RAB8B: variants seen among roughly 807,000 people sequenced by gnomAD.
RAB8B encodes the protein RAB8B, member RAS oncogene family.
In RAB8B, 11 loss-of-function variants were observed where a neutral mutation model predicts 32.0. That is an observed-to-expected ratio of 0.34 (90% CI 0.22 to 0.57). The LOEUF (loss-of-function observed/expected upper bound fraction) is 0.57, where lower values mean the gene tolerates loss of function less well. Ranked by LOEUF, RAB8B falls within the 20% of genes least tolerant of loss-of-function variation. The probability of loss-of-function intolerance (pLI) is 0.86; values close to 1 mark genes in which losing one functional copy is unlikely to be tolerated. For synonymous variants in RAB8B, 103 were observed against 89.6 expected, an observed-to-expected ratio of 1.15 and a Z score of -0.85; for missense variants, 190 against 258.5, an observed-to-expected ratio of 0.73 and a Z score of 1.82.
intron 2 of RAB8B, among the ~76,000 whole-genome samples, chr15:63,247,363 T>C (rs977559224): frequency 7.2e-5 from 11 of 152,228 alleles, no homozygotes; most frequent in African/African-American, 2.7e-4. Flanking sequence ...TGTTGCAATA[T>C]GCAAGGCAAA....
intron 2 of RAB8B, among the ~76,000 whole-genome samples, chr15:63,246,294 G>T (rs2038071728): frequency 6.6e-6 from 1 of 152,098 alleles, no homozygotes; most frequent in African/African-American, 2.4e-5. Flanking sequence ...TTTTGGATTT[G>T]GGAGCATTTT....
At chr15:63,191,987 A>G (rs2037559331) in intron 1 of RAB8B, among the ~76,000 whole-genome samples, 1 of 152,244 alleles carries the variant, frequency 6.6e-6, no homozygotes. Context: ...CATGAAAACC[A>G]GTGTCCTGAA....
At chr15:63,256,821 G>A (rs1193292523) in intron 5 of RAB8B, among the ~76,000 whole-genome samples, 1 of 152,168 alleles carries the variant, frequency 6.6e-6, no homozygotes, top group East Asian at 1.9e-4. Context: ...ATTTGCTAAT[G>A]TTTTCTGGGA....
At chr15:63,203,477 A>G (rs1279411130) in intron 1 of RAB8B, among the ~76,000 whole-genome samples, 5 of 152,210 alleles carry the variant, frequency 3.3e-5, no homozygotes, top group Admixed American at 3.3e-4. Context: ...TGTCACATGG[A>G]AAGCACACAC....
intron 1 of RAB8B, among the ~76,000 whole-genome samples, chr15:63,230,200 G>A (rs1425466159): frequency 6.6e-6 from 1 of 152,114 alleles, no homozygotes; most frequent in East Asian, 1.9e-4. Flanking sequence ...CACTTTTGTG[G>A]CATTGATGTT....
chr15:63,238,747 A>T (rs1409669962), intron 1 of RAB8B, among the ~76,000 whole-genome samples: 2 of 152,126 alleles, frequency 1.3e-5, no homozygotes, highest in African/African-American at 4.8e-5. Context: ...TCTAGGAGTG[A>T]CCCAGCTCCA....
Position 63,212,013 on chromosome 15 carries a change from T to C in RAB8B, c.124+22265T>C, listed in dbSNP as rs79411173. Among the ~76,000 whole-genome samples, 569 of 152,196 alleles carry C rather than the reference T, an allele frequency of 3.7e-3. 2 individuals are homozygous for C. The highest frequency in any genetic ancestry group is 5.3e-3 in the Non-Finnish European group (360 of 68,004). On this transcript the variant is annotated intron_variant, in intron 1 of 7. Transcript: ENST00000321437. Reference sequence around the variant, plus strand: ...TGCCCAGCTCATTTTATTTAATTTTTTAAGAGAGGGAGTCTCTCTATGTTG... The same window carrying C: ...TGCCCAGCTCATTTTATTTAATTTTCTAAGAGAGGGAGTCTCTCTATGTTG...
At chr15:63,225,116 A>G (rs1381270073) in intron 1 of RAB8B, among the ~76,000 whole-genome samples, 1 of 152,254 alleles carries the variant, frequency 6.6e-6, no homozygotes, top group African/African-American at 2.4e-5. Flanking sequence ...CATCATGCTT[A>G]TCAGACAAAG....
At chr15:63,242,012 G>T (rs373754908) in intron 1 of RAB8B, among the ~76,000 whole-genome samples, 6 of 151,348 alleles carry the variant, frequency 4.0e-5, no homozygotes, top group East Asian at 2.0e-4. Flanking sequence ...AGATAACTTG[G>T]GAATAGTGGT....
Position 63,251,370 on chromosome 15 carries a change from A to C in RAB8B, c.246+1665A>C. On this transcript the variant is annotated intron_variant, in intron 3 of 7. Transcript: ENST00000321437. The stretch of plus-strand genomic sequence containing the variant: ...AATTCTGATTAGAGGCATCTTAGAC[A>C]CACATGCCTTTCTGTTGAGCAGTTT... The C allele has an allele frequency of 1.1e-5, 5 of 452,626 alleles. No homozygotes were observed. In the Admixed American group the frequency reaches 1.2e-4, roughly 11 times the overall value. The allele number at this position is 452,626 out of a possible 1,614,324, so 28.0% of individuals were successfully genotyped here.
chr15:63,207,407 G>A (rs894575595), intron 1 of RAB8B, among the ~76,000 whole-genome samples: 2 of 152,148 alleles, frequency 1.3e-5, no homozygotes, highest in South Asian at 2.1e-4. Flanking sequence ...AGACTCCTCT[G>A]TGTGCATCCC....
At chr15:63,219,003 G>GTTTTTT (rs1567012548) in intron 1 of RAB8B, among the ~76,000 whole-genome samples, 19 of 48,846 alleles carry the variant, frequency 3.9e-4, no homozygotes, top group African/African-American at 9.7e-4. Flanking sequence ...TCCAGCAGTG[G>GTTTTTT]ATTTTTTTTT....
In RAB8B at chr15:63,263,926, C is replaced by T. The variant is rs1378771248; in HGVS notation, c.*307C>T. The T allele has an allele frequency of 4.0e-6, 1 of 251,052 alleles. No homozygotes were observed. The highest frequency in any genetic ancestry group is 7.7e-6 in the Non-Finnish European group (1 of 129,132). 15.6% of individuals were successfully genotyped at this position (251,052 alleles called of 1,614,324 possible). A position where few individuals can be genotyped will look rare whatever the true frequency, so the allele number is the denominator to read the frequency against. On this transcript the variant is annotated 3_prime_UTR_variant, in exon 8 of 8. Transcript: ENST00000321437. ...TTTTTACTTTGCACATCAGTGTTAG[C>T]CTTTCCCTATTTCAGCACAATCTTA...
intron 1 of RAB8B, among the ~76,000 whole-genome samples, chr15:63,212,526 T>A (rs1322341421): frequency 2.0e-5 from 3 of 152,228 alleles, no homozygotes; most frequent in Non-Finnish European, 2.9e-5. Flanking sequence ...GCATCACTTT[T>A]GATTCAAGGT....
chr15:63,263,543 C>T lies in RAB8B; in HGVS notation c.548C>T (p.Ala183Val). 6.2e-7 allele frequency: 1 copy of T among 1,611,154 alleles called. No individual in the cohort carries two copies. The highest frequency in any genetic ancestry group is 8.5e-7 in the Non-Finnish European group (1 of 1,177,338). Residue 183 changes from alanine to valine, a missense_variant, in exon 8 of 8, where the codon GCA becomes GTA. Physicochemically the swap from Ala to Val is moderately conservative, Grantham distance 64. Transcript: ENST00000321437. ...LNRKMNDSNSAGAGGPVKITE... is the reference protein window; with the variant it reads ...LNRKMNDSNSVGAGGPVKITE... ...ATTTTTTAGAATGACAGCAATTCAG[C>T]AGGAGCAGGTGGACCAGTGAAAATA...
At chr15:63,202,283 G>A (rs7176597) in intron 1 of RAB8B, among the ~76,000 whole-genome samples, 95,594 of 149,186 alleles carry the variant, frequency 0.64, 31,294 homozygotes, top group East Asian at 0.98. Context: ...GTCTCAAAAA[G>A]AAAAAAGAAA....
At chr15:63,227,332 A>G (rs1339785312) in intron 1 of RAB8B, among the ~76,000 whole-genome samples, 5 of 152,186 alleles carry the variant, frequency 3.3e-5, no homozygotes, top group Non-Finnish European at 7.3e-5. Flanking sequence ...TGACCACTAG[A>G]TACAGAAATC....
At chr15:63,235,158 A>G (rs547788877) in intron 1 of RAB8B, among the ~76,000 whole-genome samples, 42 of 151,528 alleles carry the variant, frequency 2.8e-4, no homozygotes, top group African/African-American at 9.9e-4. Context: ...ATGTACCCCT[A>G]GAAGATTTAG....
At chr15:63,219,207 G>A (rs751173018) in intron 1 of RAB8B, among the ~76,000 whole-genome samples, 44 of 150,600 alleles carry the variant, frequency 2.9e-4, no homozygotes, top group Non-Finnish European at 4.4e-4. Flanking sequence ...CTGAGGCAGG[G>A]GAATTGCTTG....
Sources: gnomAD v4.1 joint callset for allele counts (sites outside exome capture counted in the v4.1 genomes callset) on GRCh38, gnomAD v4.1.1 for gene constraint, MANE v1.5 for transcripts, NCBI Gene and HGNC (gene_info 2026-07-23, HGNC 2026-07-21) for gene names.